Variants in CNOT6 observed in about 807,000 individuals in gnomAD.
CNOT6 encodes the protein carbon catabolite repression 4 protein.
In CNOT6, 12 loss-of-function variants were observed where a neutral mutation model predicts 61.2. That is an observed-to-expected ratio of 0.20 (90% CI 0.13 to 0.32). CNOT6 has a LOEUF of 0.32. Among genes scored for constraint, CNOT6 ranks in the 10% least tolerant of loss-of-function variants. The pLI is 1.00. For synonymous variants in CNOT6, 225 were observed against 240.6 expected (o/e 0.94, Z 0.60); for missense variants, 405 against 663.9 (o/e 0.61, Z 4.28).
Position 180,575,057 on chromosome 5 carries a change from C to G in CNOT6, c.*857C>G, listed in dbSNP as rs1277463575. The stretch of plus-strand genomic sequence containing the variant: ...CATTCTGATATTTTTAAATCTTTAA[C>G]TTTTTAAAGTTAAAAACCTACAGCT... On this transcript the variant is annotated 3_prime_UTR_variant, in exon 12 of 12. Transcript: ENST00000261951. 1 of 152,558 alleles carries G rather than the reference C, an allele frequency of 6.6e-6. No individual in the cohort carries two copies. The allele number at this position is 152,558 out of a possible 1,614,324, so 9.5% of individuals were successfully genotyped here. A position where few individuals can be genotyped will look rare whatever the true frequency, so the allele number is the denominator to read the frequency against.
intron 2 of CNOT6, among the ~76,000 whole-genome samples, chr5:180,537,207 T>C (rs1443590145): frequency 6.6e-6 from 1 of 152,220 alleles, no homozygotes; most frequent in Non-Finnish European, 1.5e-5. Context: ...ATAGTGTGTT[T>C]AGTTTTGCCA....
rs1256891558 is a variant in CNOT6, at chr5:180,514,414, T to TC, written c.-2-14859dup. Among the ~76,000 whole-genome samples, 9 of 152,304 alleles carry TC rather than the reference T, an allele frequency of 5.9e-5. No individual in the cohort carries two copies. In the East Asian group the frequency reaches 1.7e-3, roughly 29 times the overall value. On this transcript the variant is annotated intron_variant, in intron 1 of 11. Transcript: ENST00000261951. ...TCCAGCCTAGGCGAAAGAGCGAAAC[T>TC]CCATCTTCTTCAAGTCTGCTTCACA...
At chr5:180,507,281 T>C (rs1213751730) in intron 1 of CNOT6, among the ~76,000 whole-genome samples, 1 of 152,202 alleles carries the variant, frequency 6.6e-6, no homozygotes, top group Non-Finnish European at 1.5e-5. Flanking sequence ...GTTTCCTGTT[T>C]CCAAGGGTAT....
At chr5:180,530,881 G>T (rs1202538663) in intron 2 of CNOT6, among the ~76,000 whole-genome samples, 1 of 152,126 alleles carries the variant, frequency 6.6e-6, no homozygotes, top group African/African-American at 2.4e-5. Flanking sequence ...CACGGGGTTG[G>T]GGGTAAGGTT....
rs1760049804 is a variant in CNOT6, at chr5:180,559,231, T to G, written c.386-5258T>G. Among the ~76,000 whole-genome samples the G allele has an allele frequency of 1.3e-5, 2 of 152,248 alleles. 1 individual carries two copies. Among genetic ancestry groups the G allele is most frequent in the South Asian group, 4.1e-4 (2 of 4,832 alleles). ...AAGTGTTAAAGTCTCCAACAATAAT[T>G]GTAGACTCTGTTTTCCTTTTAGTTC... On this transcript the variant is annotated intron_variant, in intron 4 of 11. Coordinates refer to ENST00000261951, the MANE Select transcript of CNOT6 (RefSeq NM_001370472.1).
chr5:180,515,348 C>T (rs1023130963), intron 1 of CNOT6, among the ~76,000 whole-genome samples: 1 of 152,066 alleles, frequency 6.6e-6, no homozygotes, highest in African/African-American at 2.4e-5. Flanking sequence ...TGCACTCTAG[C>T]TTAGGTGACA....
At chr5:180,529,086 A>T (rs1758227962) in intron 1 of CNOT6, among the ~76,000 whole-genome samples, 189 bp from the exon 2 acceptor site, 1 of 151,828 alleles carries the variant, frequency 6.6e-6, no homozygotes. Flanking sequence ...GTGCACGCCT[A>T]TAGTCCCAGC....
At chr5:180,495,551 G>C (rs923682687) in intron 1 of CNOT6, 2 of 152,216 alleles carry the variant, frequency 1.3e-5, no homozygotes, top group Admixed American at 1.3e-4. Context: ...GTTGTGAATG[G>C]TCATCTCGCT....
Position 180,564,547 on chromosome 5 carries a change from G to A in CNOT6, c.444G>A (p.Arg148=), listed in dbSNP as rs754272158. The part of the protein sequence containing the change: ...NLYQEPDGTR[R]LLNYLLDNLS... ...ATCAGGAACCAGATGGAACAAGACG[G>A]CTGCTGAACTATTTGCTTGATAATT... Residue 148 remains arginine, a synonymous_variant, in exon 5 of 12, where the codon CGG becomes CGA. Transcript: ENST00000261951. 36 of 1,613,874 alleles carry A rather than the reference G, an allele frequency of 2.2e-5. No individual in the cohort carries two copies. The Middle Eastern group carries it at 4.9e-4, about 22-fold the overall frequency.
At chr5:180,545,379 G>T (rs551793631) in intron 2 of CNOT6, among the ~76,000 whole-genome samples, 5 of 152,188 alleles carry the variant, frequency 3.3e-5, no homozygotes, top group African/African-American at 1.2e-4. Flanking sequence ...AGATTAGTAT[G>T]CATTTTGTGG....
chr5:180,552,455 C>T (rs1411704659), intron 3 of CNOT6, among the ~76,000 whole-genome samples: 1 of 151,488 alleles, frequency 6.6e-6, no homozygotes, highest in Non-Finnish European at 1.5e-5. Flanking sequence ...TCCTGGCTAA[C>T]ACGGTGAAAC....
intron 1 of CNOT6, among the ~76,000 whole-genome samples, chr5:180,524,811 C>G (rs1758021685): frequency 6.6e-6 from 1 of 152,152 alleles, no homozygotes; most frequent in South Asian, 2.1e-4. Flanking sequence ...CTCAGCTGGT[C>G]AGAGCAATTT....
intron 2 of CNOT6, among the ~76,000 whole-genome samples, chr5:180,537,482 ATTG>A (rs1758758780): frequency 6.6e-6 from 1 of 150,762 alleles, no homozygotes; most frequent in Non-Finnish European, 1.5e-5. Context: ...TTGTTTTCCT[ATTG>A]TTCAGTTTTA....
At chr5:180,550,338 C>T (rs1010972005) in intron 3 of CNOT6, among the ~76,000 whole-genome samples, 60 of 151,984 alleles carry the variant, frequency 3.9e-4, no homozygotes, top group Middle Eastern at 3.4e-3. Flanking sequence ...GTAGTCCCAG[C>T]TACTCGGGAG....
At position 180,576,427 on chromosome 5, in the gene CNOT6, A is replaced by G. The variant is rs1761003539; in HGVS notation, c.*2227A>G. ...AACTAGAGTGCACTTGTTAGATGCTAAAGGTTTGAGCTTTACACAAAATGT... is the reference window on the plus strand; with the variant it reads ...AACTAGAGTGCACTTGTTAGATGCTGAAGGTTTGAGCTTTACACAAAATGT... On this transcript the variant is annotated 3_prime_UTR_variant, in exon 12 of 12. Coordinates refer to ENST00000261951, the MANE Select transcript of CNOT6 (RefSeq NM_001370472.1). 2.0e-5 allele frequency: 3 copies of G among 152,664 alleles called. No individual in the cohort carries two copies. The highest frequency in any genetic ancestry group is 4.8e-5 in the African/African-American group (2 of 41,460). 9.5% of individuals were successfully genotyped at this position (152,664 alleles called of 1,614,324 possible).
At chr5:180,523,717 C>G (rs1402241459) in intron 1 of CNOT6, among the ~76,000 whole-genome samples, 1 of 152,106 alleles carries the variant, frequency 6.6e-6, no homozygotes, top group East Asian at 1.9e-4. Flanking sequence ...GATTCCTATC[C>G]CCAGCTCCCG....
In CNOT6 at chr5:180,569,090, T is replaced by C; in HGVS notation, c.1028-20T>C. 6.3e-7 allele frequency: 1 copy of C among 1,587,336 alleles called. No individual in the cohort carries two copies. The highest frequency in any genetic ancestry group is 2.2e-5 in the East Asian group (1 of 44,666). ...GGGCGGGTTTTGTCTCTTTCTTTGT[T>C]TCGTTTTTATCTAATGTAGCCGGAA... is the stretch of plus-strand genomic sequence containing the variant. On this transcript the variant is annotated intron_variant, in intron 9 of 11. Transcript: ENST00000261951.
chr5:180,505,301 T>G (rs11745017), intron 1 of CNOT6, among the ~76,000 whole-genome samples: 26,610 of 64,248 alleles, frequency 0.41, 7,581 homozygotes, highest in Non-Finnish European at 0.54. Context: ...TGTCGCCCAG[T>G]CTGGACTGCA....
intron 4 of CNOT6, among the ~76,000 whole-genome samples, chr5:180,561,435 A>G (rs904725772): frequency 6.9e-6 from 1 of 144,840 alleles, no homozygotes; most frequent in East Asian, 2.1e-4. Context: ...CATTTTTGTC[A>G]TGATTCCTTT....
Sources: gnomAD v4.1 joint callset for allele counts (sites outside exome capture counted in the v4.1 genomes callset) on GRCh38, gnomAD v4.1.1 for gene constraint, MANE v1.5 for transcripts, NCBI Gene and HGNC (gene_info 2026-07-23, HGNC 2026-07-21) for gene names.